The following GPD2 variants were observed in gnomAD, a reference collection of about 807,000 sequenced individuals.
GPD2 encodes the protein glycerol-3-phosphate dehydrogenase 2, also known as glycerol-3-phosphate dehydrogenase, mitochondrial.
GPD2 carries 54 observed loss-of-function variants against 82.4 expected under a neutral mutation model. The observed-to-expected ratio is 0.66, with a 90% CI of 0.53 to 0.82. GPD2 has a LOEUF of 0.82. GPD2 is among the 40% of genes least tolerant of loss of function. GPD2 has a pLI of 0.00. For synonymous variants in GPD2, 288 were observed against 306.1 expected, an observed-to-expected ratio of 0.94 and a Z score of 0.62; for missense variants, 748 against 896.2, an observed-to-expected ratio of 0.83 and a Z score of 2.11.
At chr2:156,544,315 C>T (rs1477388645) in intron 6 of GPD2, among the ~76,000 whole-genome samples, 2 of 152,148 alleles carry the variant, frequency 1.3e-5, no homozygotes, top group African/African-American at 4.8e-5. Flanking sequence ...GACAAGGGCA[C>T]AAGCAGAAAC....
chr2:156,529,668 T>G (rs2105303003), intron 6 of GPD2, among the ~76,000 whole-genome samples: 1 of 151,764 alleles, frequency 6.6e-6, no homozygotes, highest in Non-Finnish European at 1.5e-5. Flanking sequence ...GCTAGCCAGT[T>G]TTCCCAGCAC....
the GPD2 span, among the ~76,000 whole-genome samples, chr2:156,430,196 A>T: frequency 6.6e-6 from 1 of 152,210 alleles, no homozygotes; most frequent in Non-Finnish European, 1.5e-5. Context: ...CATTGGTAAT[A>T]GTTCTATTGA....
At chr2:156,555,799 C>A (rs1253552361) in intron 8 of GPD2, among the ~76,000 whole-genome samples, 1 of 152,070 alleles carries the variant, frequency 6.6e-6, no homozygotes, top group Non-Finnish European at 1.5e-5. Flanking sequence ...CTCTAAGTAA[C>A]CCTGAGTGAA....
chr2:156,408,535 G>A, the GPD2 span, among the ~76,000 whole-genome samples: 1 of 151,654 alleles, frequency 6.6e-6, no homozygotes, highest in African/African-American at 2.4e-5. Context: ...AGACCAGTCT[G>A]GGCAACATAG....
intron 13 of GPD2, among the ~76,000 whole-genome samples, chr2:156,575,378 T>C (rs1207233697): frequency 1.3e-5 from 2 of 149,534 alleles, no homozygotes; most frequent in African/African-American, 2.5e-5. Flanking sequence ...ATTTCAGATA[T>C]ATCATTTTCT....
the GPD2 span, among the ~76,000 whole-genome samples, chr2:156,419,223 C>A: frequency 6.6e-6 from 1 of 152,074 alleles, no homozygotes; most frequent in African/African-American, 2.4e-5. Context: ...CCACGGCCGG[C>A]TAATTTTGTA....
intron 2 of GPD2, among the ~76,000 whole-genome samples, chr2:156,493,479 GAGA>G (rs1312742962): frequency 6.6e-6 from 1 of 152,100 alleles, no homozygotes; most frequent in Non-Finnish European, 1.5e-5. Flanking sequence ...GCTTGGTGAT[GAGA>G]AGGACAAGGG....
chr2:156,580,747 A>T (rs960582731), intron 16 of GPD2, among the ~76,000 whole-genome samples: 1 of 152,222 alleles, frequency 6.6e-6, no homozygotes, highest in Admixed American at 6.5e-5. Flanking sequence ...TGCAGATAAG[A>T]GCATTGTTGA....
chr2:156,525,934 A>AT (rs796615888), intron 6 of GPD2, among the ~76,000 whole-genome samples: 5 of 152,096 alleles, frequency 3.3e-5, no homozygotes, highest in African/African-American at 1.2e-4. Context: ...AACTTAAAAA[A>AT]TTTTTTTAGG....
chr2:156,516,205 A>G (rs1558938036), intron 6 of GPD2, among the ~76,000 whole-genome samples: 1 of 152,214 alleles, frequency 6.6e-6, no homozygotes, highest in African/African-American at 2.4e-5. Flanking sequence ...CTCTTCATAA[A>G]TCACCATGAT....
At chr2:156,528,345 A>G (rs904084278) in intron 6 of GPD2, among the ~76,000 whole-genome samples, 3 of 151,830 alleles carry the variant, frequency 2.0e-5, no homozygotes, top group African/African-American at 7.3e-5. Flanking sequence ...TGGTATTTTC[A>G]TTATCCTTAA....
intron 1 of GPD2, among the ~76,000 whole-genome samples, chr2:156,465,531 A>C (rs1683124561): frequency 6.6e-6 from 1 of 151,774 alleles, no homozygotes; most frequent in Admixed American, 6.6e-5. Flanking sequence ...CCAGCTAATT[A>C]AAAAGATTTT....
the GPD2 span, among the ~76,000 whole-genome samples, chr2:156,406,166 T>C: frequency 6.6e-6 from 1 of 152,200 alleles, no homozygotes; most frequent in African/African-American, 2.4e-5. Flanking sequence ...TGCCCTTTAC[T>C]GGCTGGGAAT....
the GPD2 span, among the ~76,000 whole-genome samples, chr2:156,421,211 T>A: frequency 6.6e-6 from 1 of 152,344 alleles, no homozygotes; most frequent in African/African-American, 2.4e-5. Flanking sequence ...GAGGACTACC[T>A]ACATCTGAAT....
intron 3 of GPD2, among the ~76,000 whole-genome samples, chr2:156,509,877 G>A (rs1332547500): frequency 6.8e-6 from 1 of 148,052 alleles, no homozygotes; most frequent in Non-Finnish European, 1.5e-5. Context: ...GGGTTCAAGC[G>A]ATTCTCCGGC....
At chr2:156,450,115 A>G (rs1473573934) in intron 1 of GPD2, among the ~76,000 whole-genome samples, 1 of 152,246 alleles carries the variant, frequency 6.6e-6, no homozygotes, top group East Asian at 1.9e-4. Flanking sequence ...GAAAGGAAGA[A>G]GAATAAAAGA....
chr2:156,478,645 C>T (rs1573909764), intron 2 of GPD2, among the ~76,000 whole-genome samples: 2 of 151,790 alleles, frequency 1.3e-5, no homozygotes, highest in African/African-American at 4.8e-5. Context: ...GCCATTCTAG[C>T]GGGGGGGAAT....
At chr2:156,416,527 T>C in the GPD2 span, among the ~76,000 whole-genome samples, 5 of 149,878 alleles carry the variant, frequency 3.3e-5, no homozygotes, top group African/African-American at 9.8e-5. Context: ...TTTTTTTTTT[T>C]TTTTTCTTTT....
the GPD2 span, among the ~76,000 whole-genome samples, chr2:156,420,828 T>G: frequency 6.6e-6 from 1 of 152,250 alleles, no homozygotes; most frequent in Non-Finnish European, 1.5e-5. Context: ...GAGTTTTATA[T>G]GCCACAGGAT....
Sources: gnomAD v4.1 joint callset for allele counts (sites outside exome capture counted in the v4.1 genomes callset) on GRCh38, gnomAD v4.1.1 for gene constraint, MANE v1.5 for transcripts, NCBI Gene and HGNC (gene_info 2026-07-23, HGNC 2026-07-21) for gene names.